The following SYT14 variants were observed in gnomAD, a reference collection of about 807,000 sequenced individuals.
The protein encoded by SYT14 is synaptotagmin-14.
SYT14 carries 32 observed loss-of-function variants against 74.2 expected under a neutral mutation model. That is an observed-to-expected ratio of 0.43 (90% confidence interval 0.33 to 0.58). SYT14 has a LOEUF of 0.58. Ranked by LOEUF, SYT14 falls within the 20% of genes least tolerant of loss-of-function variation. The pLI, the probability that SYT14 is intolerant of heterozygous loss-of-function variation, is 0.05. For missense variants in SYT14, 791 were observed against 981.8 expected (o/e 0.81, Z 2.60); for synonymous variants, 298 against 337.7 (o/e 0.88, Z 1.29).
At chr1:210,000,440 C>G (rs1056809124) in intron 2 of SYT14, among the ~76,000 whole-genome samples, 1 of 146,322 alleles carries the variant, frequency 6.8e-6, no homozygotes, top group African/African-American at 2.6e-5. Context: ...GTATGTTCAT[C>G]TTATTTTAGT....
intron 2 of SYT14, among the ~76,000 whole-genome samples, chr1:210,013,106 A>G (rs969463705): frequency 1.5e-5 from 2 of 135,850 alleles, no homozygotes; most frequent in African/African-American, 5.5e-5. Flanking sequence ...TTTTTTAGAC[A>G]GTTTTGTTTT....
intron 7 of SYT14, among the ~76,000 whole-genome samples, chr1:210,126,190 A>G (rs1441384441): frequency 6.6e-6 from 1 of 151,976 alleles, no homozygotes; most frequent in African/African-American, 2.4e-5. Context: ...CGACAGAGTG[A>G]GACTCCGTCT....
chr1:209,991,482 A>G (rs1029564278), intron 2 of SYT14, among the ~76,000 whole-genome samples: 6 of 152,238 alleles, frequency 3.9e-5, no homozygotes, highest in African/African-American at 1.4e-4. Context: ...AAATGCACAG[A>G]CATTTTGCAA....
chr1:210,089,812 G>T (rs911155342), intron 5 of SYT14, among the ~76,000 whole-genome samples: 2 of 152,144 alleles, frequency 1.3e-5, no homozygotes, highest in Non-Finnish European at 2.9e-5. Flanking sequence ...ACAAAGCAAC[G>T]AAAAAATCAA....
chr1:209,947,894 C>T (rs1327992440), intron 1 of SYT14, among the ~76,000 whole-genome samples: 1 of 152,194 alleles, frequency 6.6e-6, no homozygotes, highest in African/African-American at 2.4e-5. Context: ...CTAATGGGTT[C>T]ACAATCATTA....
chr1:210,162,987 A>T, exon 10 of SYT14: 1 of 453,168 alleles, frequency 2.2e-6, no homozygotes, highest in Non-Finnish European at 4.4e-6. Context: ...AAAATATCTC[A>T]TTTAAGTGTT....
intron 7 of SYT14, among the ~76,000 whole-genome samples, chr1:210,133,488 G>A (rs560383064): frequency 6.6e-6 from 1 of 152,304 alleles, no homozygotes; most frequent in African/African-American, 2.4e-5. Flanking sequence ...GATAGCAGAG[G>A]ACACCAGTAA....
chr1:210,140,774 G>A (rs191982208), intron 7 of SYT14, among the ~76,000 whole-genome samples: 6 of 151,946 alleles, frequency 3.9e-5, no homozygotes, highest in Non-Finnish European at 7.4e-5. Flanking sequence ...TCATTTATTT[G>A]TGTTGGCACC....
At chr1:209,941,372 T>C (rs2078727429) in intron 1 of SYT14, among the ~76,000 whole-genome samples, 2 of 152,198 alleles carry the variant, frequency 1.3e-5, no homozygotes, top group African/African-American at 4.8e-5. Flanking sequence ...ATATTGACAA[T>C]AGTTACACAT....
chr1:209,942,661 T>G (rs1184899614), intron 1 of SYT14, among the ~76,000 whole-genome samples: 1 of 152,192 alleles, frequency 6.6e-6, no homozygotes, highest in Non-Finnish European at 1.5e-5. Context: ...ATCTTCATAT[T>G]GCAAAATGCA....
At chr1:209,975,778 G>T (rs973246829) in intron 2 of SYT14, among the ~76,000 whole-genome samples, 7 of 152,220 alleles carry the variant, frequency 4.6e-5, no homozygotes, top group Admixed American at 2.6e-4. Context: ...CAGAAGGAAT[G>T]ATACCAGCTC....
intron 2 of SYT14, among the ~76,000 whole-genome samples, chr1:209,965,491 G>C (rs2079142043): frequency 6.6e-6 from 1 of 152,112 alleles, no homozygotes; most frequent in African/African-American, 2.4e-5. Context: ...CCATGTCTTT[G>C]CTATTCTGAA....
intron 7 of SYT14, among the ~76,000 whole-genome samples, chr1:210,109,528 A>C (rs2082220862): frequency 6.6e-6 from 1 of 151,260 alleles, no homozygotes; most frequent in Non-Finnish European, 1.5e-5. Context: ...CAGTGAGCCA[A>C]GATTGCAGCA....
At chr1:209,981,547 C>G in intron 2 of SYT14, among the ~76,000 whole-genome samples, 1 of 144,248 alleles carries the variant, frequency 6.9e-6, no homozygotes. Context: ...AACTTCTGTG[C>G]TTAGGCAGTC....
At chr1:210,008,267 T>A (rs227216) in intron 2 of SYT14, among the ~76,000 whole-genome samples, 1 of 152,028 alleles carries the variant, frequency 6.6e-6, no homozygotes, top group Admixed American at 6.5e-5. Flanking sequence ...ATGGGAAAAC[T>A]TGCATTAGTG....
rs917168271 is a variant in SYT14 at position 210,159,272 on chromosome 1, C to A, written c.2225-149C>A. ...TTACCCAACATCCTTTTTGTTCAAT[C>A]CTCTATCTGAATTAAAATGCTAAAG... On this transcript the variant is annotated intron_variant, in intron 8 of 9. Coordinates refer to ENST00000637265, the Ensembl canonical transcript of SYT14. 1.4e-5 allele frequency: 11 copies of A among 787,984 alleles called. No individual in the cohort carries two copies. The African/African-American group carries it at 1.7e-4, about 12-fold the overall frequency. The allele number at this position is 787,984 out of a possible 1,614,324, so 48.8% of individuals were successfully genotyped here.
chr1:210,062,804 GA>G (rs1380593459), intron 5 of SYT14, among the ~76,000 whole-genome samples: 1 of 151,630 alleles, frequency 6.6e-6, no homozygotes, highest in Non-Finnish European at 1.5e-5. Flanking sequence ...CTTTAATTGT[GA>G]AAATAATTTC....
At chr1:210,129,927 C>T (rs2082640033) in intron 7 of SYT14, among the ~76,000 whole-genome samples, 1 of 152,182 alleles carries the variant, frequency 6.6e-6, no homozygotes, top group Non-Finnish European at 1.5e-5. Context: ...CTACAAGAGC[C>T]TCTAATATCA....
At chr1:210,129,601 C>A (rs946065902) in intron 7 of SYT14, among the ~76,000 whole-genome samples, 1 of 152,212 alleles carries the variant, frequency 6.6e-6, no homozygotes, top group African/African-American at 2.4e-5. Flanking sequence ...TTTAAACTTT[C>A]TTGATAATAA....
Sources: allele counts gnomAD v4.1 joint callset (sites outside exome capture counted in the v4.1 genomes callset), GRCh38; gene constraint gnomAD v4.1.1; transcripts MANE v1.5; gene names NCBI Gene and HGNC (gene_info 2026-07-23, HGNC 2026-07-21).